CORO2A: variants seen among roughly 807,000 people sequenced by gnomAD.
CORO2A encodes coronin 2A.
Under a neutral mutation model 62.4 loss-of-function variants are expected in CORO2A, and 47 were observed. The observed-to-expected ratio is 0.75, with a 90% CI of 0.60 to 0.96. The LOEUF is 0.96. Among genes scored for constraint, CORO2A ranks in the 40% least tolerant of loss-of-function variants. The probability of loss-of-function intolerance (pLI) is 0.00; values close to 1 mark genes in which losing one functional copy is unlikely to be tolerated. For missense variants in CORO2A, 610 were observed against 684.1 expected, an observed-to-expected ratio of 0.89 and a Z score of 1.21; for synonymous variants, 273 against 268.9, an observed-to-expected ratio of 1.02 and a Z score of -0.15.
rs763826178 is a variant in CORO2A at position 98,129,907 on chromosome 9, G to T, written c.871-17C>A. On this transcript the variant is annotated splice_polypyrimidine_tract_variant and intron_variant, in intron 7 of 11. Coordinates refer to ENST00000375077, the MANE Select transcript of CORO2A (RefSeq NM_052820.4). ...GCCATCTCCCTGAGGAGGAGGAGAA[G>T]GAAGAGGAGGGTGAGATTCAGAGCT... 1 of 1,593,764 alleles carries T rather than the reference G, an allele frequency of 6.3e-7. No homozygotes were observed.
intron 2 of CORO2A, among the ~76,000 whole-genome samples, chr9:98,141,563 A>G (rs1035329332): frequency 6.6e-6 from 1 of 152,136 alleles, no homozygotes; most frequent in African/African-American, 2.4e-5. Flanking sequence ...CATGTTGGCC[A>G]GGCTGGTCTT....
At chr9:98,180,854 C>CAATG (rs1828167434) in intron 1 of CORO2A, among the ~76,000 whole-genome samples, 1 of 152,168 alleles carries the variant, frequency 6.6e-6, no homozygotes. Flanking sequence ...ATGCATCAAG[C>CAATG]AATGCCCCAA....
chr9:98,126,927 C>G, intron 10 of CORO2A, 104 bp from the exon 11 acceptor site: 1 of 1,249,698 alleles, frequency 8.0e-7, no homozygotes, highest in South Asian at 1.3e-5. Context: ...CAGAGCCATG[C>G]AGACCCATGC....
intron 10 of CORO2A, among the ~76,000 whole-genome samples, chr9:98,127,524 G>T (rs1016334825): frequency 3.3e-5 from 5 of 152,132 alleles, no homozygotes; most frequent in African/African-American, 1.2e-4. Context: ...AAGAAGAATT[G>T]CAAAAGGCCA....
chr9:98,186,382 C>T (rs1828239339), intron 1 of CORO2A, among the ~76,000 whole-genome samples: 1 of 152,128 alleles, frequency 6.6e-6, no homozygotes, highest in Non-Finnish European at 1.5e-5. Context: ...TGATTAAGCC[C>T]TGGACACTGG....
At chr9:98,147,338 C>G (rs1186444663) in intron 2 of CORO2A, among the ~76,000 whole-genome samples, 1 of 151,120 alleles carries the variant, frequency 6.6e-6, no homozygotes, top group East Asian at 1.9e-4. Flanking sequence ...TGGTAGGGGG[C>G]GGGGGGCAGA....
chr9:98,145,761 G>A (rs535052194), intron 2 of CORO2A, among the ~76,000 whole-genome samples: 80 of 152,280 alleles, frequency 5.3e-4, no homozygotes, highest in African/African-American at 1.9e-3. Flanking sequence ...CGCCCAGGCT[G>A]GAGTGCAATG....
chr9:98,163,302 G>A (rs907329701), intron 1 of CORO2A, among the ~76,000 whole-genome samples: 19 of 152,290 alleles, frequency 1.2e-4, no homozygotes, highest in South Asian at 4.1e-4. Flanking sequence ...CGATTCTCCT[G>A]CCTCAGCCTC....
At position 98,134,970 on chromosome 9, in the gene CORO2A, A is replaced by G; in HGVS notation, c.319-15T>C. On this transcript the variant is annotated splice_polypyrimidine_tract_variant and intron_variant, in intron 3 of 11. Coordinates refer to ENST00000375077, the MANE Select transcript of CORO2A (RefSeq NM_052820.4). Reference sequence around the variant, plus strand: ...CAGATCTTAATCTGGCAGGGGAGACAGGGCCCAAGGCAGCATTAGCCAGGG... The same window carrying G: ...CAGATCTTAATCTGGCAGGGGAGACGGGGCCCAAGGCAGCATTAGCCAGGG... 2 of 1,613,156 alleles carry G rather than the reference A, an allele frequency of 1.2e-6. No homozygotes were observed. Among genetic ancestry groups the G allele is most frequent in the South Asian group, 2.2e-5 (2 of 90,932 alleles).
intron 1 of CORO2A, among the ~76,000 whole-genome samples, chr9:98,161,062 T>A (rs1226654919): frequency 6.6e-6 from 1 of 152,082 alleles, no homozygotes; most frequent in Non-Finnish European, 1.5e-5. Context: ...AATACACTTG[T>A]AGAGTGAACC....
chr9:98,182,607 A>C (rs1828191460), intron 1 of CORO2A, among the ~76,000 whole-genome samples: 1 of 152,226 alleles, frequency 6.6e-6, no homozygotes, highest in Non-Finnish European at 1.5e-5. Flanking sequence ...AGGAAAAAGA[A>C]GTGGAATCTA....
At position 98,124,887 on chromosome 9, in the gene CORO2A, G is replaced by A. The variant is rs577084602; in HGVS notation, c.1465C>T (p.Arg489Trp). 1.1e-5 allele frequency: 18 copies of A among 1,571,266 alleles called. No homozygotes were observed. Among genetic ancestry groups the A allele is most frequent in the East Asian group, 2.3e-5 (1 of 43,280 alleles). ...AGCCTTCGGATCTCCTCCTGTTGCC[G>A]GTAGAACATCTGCAGCAACTGGGGA... ...TENELLQMFY[R>W]QQEEIRRLRE... The change falls in exon 12 of 12, where the codon CGG becomes TGG. Residue 489 changes from arginine to tryptophan, a missense_variant. By Grantham distance (101) the Arg-to-Trp change is moderately radical. Transcript: ENST00000375077.
At chr9:98,149,062 G>A (rs1201938488) in intron 2 of CORO2A, among the ~76,000 whole-genome samples, 1 of 152,162 alleles carries the variant, frequency 6.6e-6, no homozygotes, top group Non-Finnish European at 1.5e-5. Flanking sequence ...AGTGATGCCA[G>A]TATCACAACA....
intron 1 of CORO2A, among the ~76,000 whole-genome samples, chr9:98,163,799 C>T (rs1035275367): frequency 2.0e-5 from 3 of 151,266 alleles, no homozygotes; most frequent in Non-Finnish European, 4.4e-5. Context: ...AGTTTCCTGC[C>T]TGTTCCAAAG....
At chr9:98,166,380 T>A (rs1232454297) in intron 1 of CORO2A, among the ~76,000 whole-genome samples, 1 of 152,152 alleles carries the variant, frequency 6.6e-6, no homozygotes, top group African/African-American at 2.4e-5. Context: ...TCATGGAAAT[T>A]AAAAACTTGT....
At chr9:98,133,888 G>A (rs966987069) in intron 4 of CORO2A, among the ~76,000 whole-genome samples, 7 of 152,054 alleles carry the variant, frequency 4.6e-5, no homozygotes, top group Non-Finnish European at 8.8e-5. Flanking sequence ...TGAGTAGCTG[G>A]GACTACTTGA....
intron 4 of CORO2A, 61 bp from the exon 5 acceptor site, chr9:98,133,278 A>C: frequency 6.5e-7 from 1 of 1,536,268 alleles, no homozygotes; most frequent in Non-Finnish European, 9.0e-7. Context: ...CCTCATAGTT[A>C]CATGCTGGCC....
At chr9:98,159,581 C>T (rs1315818898) in intron 1 of CORO2A, among the ~76,000 whole-genome samples, 1 of 151,570 alleles carries the variant, frequency 6.6e-6, no homozygotes, top group East Asian at 2.0e-4. Flanking sequence ...TCCCATGCCC[C>T]CACCTCCTGT....
intron 3 of CORO2A, 148 bp downstream of exon 3, chr9:98,137,424 T>A: frequency 1.4e-6 from 1 of 700,182 alleles, no homozygotes; most frequent in Admixed American, 2.1e-5. Flanking sequence ...TGTCTCCTCC[T>A]CTACCTTAAC....
Sources: allele counts gnomAD v4.1 joint callset (sites outside exome capture counted in the v4.1 genomes callset), GRCh38; gene constraint gnomAD v4.1.1; transcripts MANE v1.5; gene names NCBI Gene and HGNC (gene_info 2026-07-23, HGNC 2026-07-21).